Variants in ARPP21 observed in about 807,000 individuals in gnomAD.
The protein encoded by ARPP21 is cAMP regulated phosphoprotein 21, also known as cAMP-regulated phosphoprotein 21.
Under a neutral mutation model 113.2 loss-of-function variants are expected in ARPP21, and 69 were observed. The observed-to-expected ratio is 0.61, with a 90% CI of 0.50 to 0.74. The LOEUF is 0.74. Among genes scored for constraint, ARPP21 ranks in the 30% least tolerant of loss-of-function variants. The probability of loss-of-function intolerance (pLI) is 0.00; values close to 1 mark genes in which losing one functional copy is unlikely to be tolerated. For synonymous variants in ARPP21, 368 were observed against 375.5 expected (o/e 0.98, Z 0.23); for missense variants, 1,070 against 1,037.4 (o/e 1.03, Z -0.43).
intron 7 of ARPP21, among the ~76,000 whole-genome samples, chr3:35,689,878 A>G (rs906048865): frequency 1.3e-5 from 2 of 151,664 alleles, no homozygotes; most frequent in Non-Finnish European, 3.0e-5. Context: ...AAATAAGATA[A>G]GGAATACTCT....
chr3:35,690,411 C>T (rs999989218), intron 8 of ARPP21, among the ~76,000 whole-genome samples: 1 of 151,404 alleles, frequency 6.6e-6, no homozygotes, highest in Non-Finnish European at 1.5e-5. Flanking sequence ...CAAGAAGAGA[C>T]CCTTTTCATT....
chr3:35,707,039 T>A lies in ARPP21; in HGVS notation c.752T>A (p.Ile251Asn). 1 of 1,614,050 alleles carries A rather than the reference T, an allele frequency of 6.2e-7. No homozygotes were observed. The highest frequency in any genetic ancestry group is 8.5e-7 in the Non-Finnish European group (1 of 1,179,934). ...EKGEESQKRF[I>N]LKRDNSSIDK... ...GGTGAAGAATCCCAGAAGCGGTTTATCTTGAAGCGAGATAACTCTAGTATT... is the reference window on the plus strand; with the variant it reads ...GGTGAAGAATCCCAGAAGCGGTTTAACTTGAAGCGAGATAACTCTAGTATT... The change falls in exon 10 of 21, where the codon ATC (isoleucine) becomes AAC (asparagine). Residue 251 changes from isoleucine to asparagine, a missense_variant. Coordinates refer to ENST00000684406, the MANE Select transcript of ARPP21 (RefSeq NM_001385562.1).
intron 8 of ARPP21, among the ~76,000 whole-genome samples, chr3:35,690,573 C>A (rs1203685677): frequency 1.3e-5 from 2 of 151,376 alleles, no homozygotes; most frequent in Non-Finnish European, 3.0e-5. Flanking sequence ...TGTGCCTGGC[C>A]CCGTTGATAA....
intron 9 of ARPP21, among the ~76,000 whole-genome samples, chr3:35,693,229 G>A (rs1301981527): frequency 6.6e-6 from 1 of 151,562 alleles, no homozygotes; most frequent in Non-Finnish European, 1.5e-5. Context: ...ACCCTTTCGT[G>A]AGTCAAAGCA....
intron 17 of ARPP21, 133 bp downstream of exon 17, chr3:35,738,451 C>T (rs1055925561): frequency 2.4e-5 from 16 of 665,916 alleles, no homozygotes; most frequent in Middle Eastern, 2.7e-4. Flanking sequence ...GTGCGAATGT[C>T]TCATTTCTGA....
At chr3:35,724,078 TCTC>T (rs1049559371) in intron 14 of ARPP21, among the ~76,000 whole-genome samples, 48 of 152,306 alleles carry the variant, frequency 3.2e-4, no homozygotes, top group African/African-American at 1.1e-3. Context: ...AAGTTACTCT[TCTC>T]CTCCTCTAAT....
intron 19 of ARPP21, among the ~76,000 whole-genome samples, chr3:35,757,090 A>G (rs1411822107): frequency 1.5e-5 from 2 of 133,040 alleles, no homozygotes; most frequent in African/African-American, 5.7e-5. Context: ...TTTTTTTGAG[A>G]CAGGGTCTTT....
chr3:35,692,577 A>G (rs1337528464), intron 9 of ARPP21, among the ~76,000 whole-genome samples: 1 of 151,666 alleles, frequency 6.6e-6, no homozygotes, highest in Non-Finnish European at 1.5e-5. Flanking sequence ...CAACTGGTGG[A>G]CAGTAGATTT....
rs537242656 is a variant in ARPP21, at chr3:35,727,060, A to G, written c.1226-2243A>G. Among the ~76,000 whole-genome samples, 5 of 152,254 alleles carry G rather than the reference A, an allele frequency of 3.3e-5. No homozygotes were observed. The East Asian group carries it at 5.8e-4, about 18-fold the overall frequency. ...TTAGCATTTTCAATATTCTTTTTAC[A>G]TTTTTTATTTTTTCTCCCCATGCCT... On this transcript the variant is annotated intron_variant, in intron 14 of 20. Transcript: ENST00000684406.
chr3:35,684,140 A>G (rs1286305813), intron 5 of ARPP21: 1 of 1,452,208 alleles, frequency 6.9e-7, no homozygotes, highest in Non-Finnish European at 9.1e-7. Context: ...AGGCTGAACC[A>G]AATATAATCC....
intron 12 of ARPP21, 101 bp from the exon 13 acceptor site, chr3:35,717,197 T>C: frequency 3.1e-6 from 2 of 645,020 alleles, no homozygotes; most frequent in East Asian, 2.6e-5. Flanking sequence ...AAACTTTGTA[T>C]GGGATTGATT....
At chr3:35,652,433 T>TA (rs1481536219) in intron 1 of ARPP21, among the ~76,000 whole-genome samples, 1 of 152,124 alleles carries the variant, frequency 6.6e-6, no homozygotes, top group Non-Finnish European at 1.5e-5. Context: ...TCAATTTTTC[T>TA]AAAAATCACT....
chr3:35,689,173 A>G (rs1355053147), intron 6 of ARPP21, 134 bp from the exon 7 acceptor site: 3 of 656,656 alleles, frequency 4.6e-6, no homozygotes, highest in Middle Eastern at 4.9e-4. Context: ...CTAGTTTTGA[A>G]ACATGTATTT....
intron 1 of ARPP21, among the ~76,000 whole-genome samples, chr3:35,642,011 G>A (rs1188675805): frequency 6.6e-6 from 1 of 152,114 alleles, no homozygotes; most frequent in Non-Finnish European, 1.5e-5. Context: ...TTTAGAAAAA[G>A]TGCCTATTAA....
chr3:35,716,472 C>T (rs1036232874), intron 12 of ARPP21, among the ~76,000 whole-genome samples: 1 of 151,948 alleles, frequency 6.6e-6, no homozygotes, highest in Non-Finnish European at 1.5e-5. Flanking sequence ...GACTAAACCC[C>T]TTAATAGAAT....
intron 19 of ARPP21, among the ~76,000 whole-genome samples, chr3:35,759,441 C>A (rs1396945986): frequency 6.6e-6 from 1 of 152,000 alleles, no homozygotes; most frequent in Non-Finnish European, 1.5e-5. Context: ...AGCTTATCAG[C>A]TATTGAAGAA....
intron 11 of ARPP21, chr3:35,715,060 T>A (rs1357213568): frequency 1.0e-5 from 2 of 195,388 alleles, no homozygotes; most frequent in Non-Finnish European, 2.1e-5. Flanking sequence ...TCTGCTTTGA[T>A]TTGAACCCTT....
chr3:35,741,045 T>C (rs1037096975), intron 18 of ARPP21, among the ~76,000 whole-genome samples: 1 of 152,112 alleles, frequency 6.6e-6, no homozygotes, highest in African/African-American at 2.4e-5. Flanking sequence ...AAGGCTGCAG[T>C]GAGCCATGAT....
chr3:35,747,615 G>T (rs1476016500), intron 19 of ARPP21, among the ~76,000 whole-genome samples: 1 of 152,034 alleles, frequency 6.6e-6, no homozygotes, highest in East Asian at 1.9e-4. Context: ...GCAGTTATCA[G>T]GATAGGTGCA....
Sources: gnomAD v4.1 joint callset for allele counts (sites outside exome capture counted in the v4.1 genomes callset) on GRCh38, gnomAD v4.1.1 for gene constraint, MANE v1.5 for transcripts, NCBI Gene and HGNC (gene_info 2026-07-23, HGNC 2026-07-21) for gene names.